The following MAGI2 variants were observed in gnomAD, a reference collection of about 807,000 sequenced individuals.
MAGI2 encodes membrane associated guanylate kinase, WW and PDZ domain containing 2.
A neutral mutation model predicts 133.3 loss-of-function variants in MAGI2; 35 were observed. The observed-to-expected ratio is 0.26, with a 90% CI of 0.20 to 0.35. MAGI2 has a LOEUF of 0.35. MAGI2 is among the 10% of genes least tolerant of loss of function. The probability of loss-of-function intolerance (pLI) is 1.00; values close to 1 mark genes in which losing one functional copy is unlikely to be tolerated. For synonymous variants in MAGI2, 729 were observed against 710.6 expected, an observed-to-expected ratio of 1.03 and a Z score of -0.41; for missense variants, 1,636 against 1,863.4, an observed-to-expected ratio of 0.88 and a Z score of 2.25.
At chr7:78,586,351 G>T (rs1042342239) in intron 3 of MAGI2, among the ~76,000 whole-genome samples, 9 of 152,048 alleles carry the variant, frequency 5.9e-5, no homozygotes, top group African/African-American at 2.2e-4. Flanking sequence ...TTCCAGCTAA[G>T]AGTCCCCCCC....
chr7:78,159,769 C>T (rs1315816101), intron 16 of MAGI2: 4 of 316,214 alleles, frequency 1.3e-5, no homozygotes, highest in Non-Finnish European at 2.3e-5. Flanking sequence ...TCCTAATTTA[C>T]AAATGAATGA....
chr7:78,824,566 A>C (rs1410649563), intron 2 of MAGI2, among the ~76,000 whole-genome samples: 1 of 152,176 alleles, frequency 6.6e-6, no homozygotes, highest in Non-Finnish European at 1.5e-5. Context: ...GGCTGCATAA[A>C]TATCTTCTTT....
At chr7:78,637,735 T>C (rs990631486) in intron 2 of MAGI2, among the ~76,000 whole-genome samples, 10 of 152,192 alleles carry the variant, frequency 6.6e-5, no homozygotes, top group Non-Finnish European at 8.8e-5. Flanking sequence ...ATTCCATAGT[T>C]TTATTTGCAC....
At chr7:79,194,057 T>C (rs1827883096) in intron 1 of MAGI2, among the ~76,000 whole-genome samples, 1 of 151,952 alleles carries the variant, frequency 6.6e-6, no homozygotes, top group African/African-American at 2.4e-5. Flanking sequence ...TCTTAACTAG[T>C]ATAGTATTCA....
chr7:78,261,371 C>T (rs1793502107), intron 9 of MAGI2, among the ~76,000 whole-genome samples: 1 of 152,156 alleles, frequency 6.6e-6, no homozygotes, highest in African/African-American at 2.4e-5. Flanking sequence ...TCCTTCCTCA[C>T]CTCTTCAAAG....
intron 20 of MAGI2, among the ~76,000 whole-genome samples, chr7:78,113,372 T>A (rs1464062596): frequency 6.6e-6 from 1 of 152,170 alleles, no homozygotes; most frequent in Non-Finnish European, 1.5e-5. Context: ...CCTCTTGACA[T>A]ACATACTTAC....
intron 6 of MAGI2, among the ~76,000 whole-genome samples, chr7:78,391,008 G>A (rs59331477): frequency 0.019 from 2,917 of 152,158 alleles, 100 homozygotes; most frequent in African/African-American, 0.068. Flanking sequence ...TTTCTGGGCC[G>A]TTTTTTCTTA....
At chr7:78,856,146 A>G (rs1793616990) in intron 2 of MAGI2, among the ~76,000 whole-genome samples, 1 of 152,024 alleles carries the variant, frequency 6.6e-6, no homozygotes, top group Non-Finnish European at 1.5e-5. Flanking sequence ...TAGATTCTGG[A>G]TATTAGCCCT....
intron 2 of MAGI2, among the ~76,000 whole-genome samples, chr7:78,664,208 T>C (rs1361878743): frequency 2.6e-5 from 4 of 152,176 alleles, no homozygotes; most frequent in Non-Finnish European, 5.9e-5. Flanking sequence ...TGTGGACCCA[T>C]GTTGATATAT....
rs60835523 is a variant in MAGI2, at chr7:79,310,256, A to C, written c.301+142764T>G. On this transcript the variant is annotated intron_variant, in intron 1 of 21. Coordinates refer to ENST00000354212, the MANE Select transcript of MAGI2 (RefSeq NM_012301.4). ...TATTCGAATGCATTTTTGTGTACAA[A>C]ATTATCTGCTATGTACAGATGAAAG... Among the ~76,000 whole-genome samples the C allele has an allele frequency of 5.1e-3, 773 of 150,372 alleles. 5 individuals carry two copies. Among genetic ancestry groups the C allele is most frequent in the African/African-American group, 0.018 (730 of 40,904 alleles).
At chr7:79,110,288 G>C (rs1264968421) in intron 1 of MAGI2, among the ~76,000 whole-genome samples, 3 of 152,158 alleles carry the variant, frequency 2.0e-5, no homozygotes, top group African/African-American at 7.2e-5. Flanking sequence ...TGTACTAACA[G>C]AGTTGTGAGA....
chr7:78,612,438 C>T (rs1477498604), intron 3 of MAGI2, among the ~76,000 whole-genome samples: 2 of 151,970 alleles, frequency 1.3e-5, no homozygotes, highest in Non-Finnish European at 2.9e-5. Flanking sequence ...TAACGGGATG[C>T]TTTATAAATA....
At chr7:79,024,168 T>C (rs1166702168) in intron 1 of MAGI2, among the ~76,000 whole-genome samples, 1 of 151,836 alleles carries the variant, frequency 6.6e-6, no homozygotes, top group Non-Finnish European at 1.5e-5. Context: ...AGAGAGACTA[T>C]GAATAATTCC....
At chr7:78,436,775 C>T (rs1800328867) in intron 6 of MAGI2, among the ~76,000 whole-genome samples, 2 of 152,160 alleles carry the variant, frequency 1.3e-5, no homozygotes, top group South Asian at 4.2e-4. Flanking sequence ...CATCACAACT[C>T]ATAGCTCCCA....
intron 3 of MAGI2, among the ~76,000 whole-genome samples, chr7:78,524,628 A>T (rs1333041032): frequency 2.0e-5 from 3 of 152,204 alleles, no homozygotes; most frequent in African/African-American, 7.2e-5. Flanking sequence ...AAATGTTACT[A>T]TGTAATTTGA....
At chr7:78,179,762 T>C (rs1827012188) in intron 13 of MAGI2, among the ~76,000 whole-genome samples, 1 of 152,228 alleles carries the variant, frequency 6.6e-6, no homozygotes, top group African/African-American at 2.4e-5. Flanking sequence ...ATGGGAGAAC[T>C]TAAAAAATTC....
intron 1 of MAGI2, among the ~76,000 whole-genome samples, chr7:79,280,926 G>GAAAAAAAAAAAAAAAAA (rs71095390): frequency 2.8e-5 from 1 of 35,766 alleles, no homozygotes. Context: ...CTCTGTCTCT[G>GAAAAAAAAAAAAAAAAA]AAAAAAAAAA....
chr7:79,200,786 C>T (rs1381185430), intron 1 of MAGI2, among the ~76,000 whole-genome samples: 6 of 151,884 alleles, frequency 4.0e-5, no homozygotes, highest in African/African-American at 1.5e-4. Context: ...ACTCCCAGCC[C>T]TTCCCACTCC....
At chr7:78,116,906 GA>G (rs1819921766) in intron 20 of MAGI2, among the ~76,000 whole-genome samples, 2 of 151,572 alleles carry the variant, frequency 1.3e-5, no homozygotes, top group South Asian at 4.2e-4. Flanking sequence ...AAATAAAAAT[GA>G]TATAAAAAGT....
Sources: gnomAD v4.1 joint callset for allele counts (sites outside exome capture counted in the v4.1 genomes callset) on GRCh38, gnomAD v4.1.1 for gene constraint, MANE v1.5 for transcripts, NCBI Gene and HGNC (gene_info 2026-07-23, HGNC 2026-07-21) for gene names.